The following RTTN variants were observed in gnomAD, a reference collection of about 807,000 sequenced individuals.
RTTN encodes rotatin.
Under a neutral mutation model 269.2 loss-of-function variants are expected in RTTN, and 182 were observed. The observed-to-expected ratio is 0.68, with a 90% CI of 0.60 to 0.76. The LOEUF (loss-of-function observed/expected upper bound fraction) is 0.76. Among genes scored for constraint, RTTN ranks in the 30% least tolerant of loss-of-function variants. RTTN has a pLI of 0.00. For synonymous variants in RTTN, 1,006 were observed against 963.5 expected, an observed-to-expected ratio of 1.04 and a Z score of -0.82; for missense variants, 2,545 against 2,608.6, an observed-to-expected ratio of 0.98 and a Z score of 0.53.
At chr18:70,064,336 C>CAAAA (rs11308196) in intron 35 of RTTN, among the ~76,000 whole-genome samples, 12 of 61,720 alleles carry the variant, frequency 1.9e-4, no homozygotes, top group South Asian at 8.7e-4. Context: ...AGACTGCCTC[C>CAAAA]AAAAAAAAAA....
chr18:70,149,066 A>G lies in RTTN; in HGVS notation c.2173-29T>C, dbSNP rs1191652294. ...ATAGATTTGTTTTTAAAGAGAAATT[A>G]TTGTCTAATTGTATACATAACTTTT... is the stretch of plus-strand genomic sequence containing the variant. On this transcript the variant is annotated intron_variant, in intron 16 of 48. Transcript: ENST00000640769. 1.1e-5 allele frequency: 18 copies of G among 1,595,978 alleles called. No individual in the cohort carries two copies. In the Admixed American group the frequency reaches 2.9e-4, roughly 26 times the overall value.
chr18:70,155,931 C>A (rs191466075), intron 14 of RTTN, among the ~76,000 whole-genome samples: 26 of 152,258 alleles, frequency 1.7e-4, no homozygotes, highest in African/African-American at 5.3e-4. Flanking sequence ...ATTTCCTATG[C>A]CTGTCTTTAC....
At chr18:70,062,750 C>G (rs2058027211) in intron 35 of RTTN, among the ~76,000 whole-genome samples, 1 of 151,674 alleles carries the variant, frequency 6.6e-6, no homozygotes. Context: ...TAGCTGAGAC[C>G]ACAGGTGTGT....
intron 39 of RTTN, among the ~76,000 whole-genome samples, chr18:70,050,244 G>A (rs558452797): frequency 1.1e-4 from 16 of 151,956 alleles, no homozygotes; most frequent in Middle Eastern, 3.4e-3. Flanking sequence ...ACAAACAACC[G>A]CATCAAAAAG....
rs867342917 is a variant in RTTN, at chr18:70,042,372, T to C, written c.5541+5599A>G. On this transcript the variant is annotated intron_variant, in intron 40 of 48. Coordinates refer to ENST00000640769, the MANE Select transcript of RTTN (RefSeq NM_173630.4). ...CTAAGGGCTTTGGAATTTTCTTTTT[T>C]TTTTTTTTTTTTTTTTTTTTTGAGA... Among the ~76,000 whole-genome samples the C allele has an allele frequency of 3.2e-3, 402 of 126,898 alleles. 2 individuals carry two copies. Among genetic ancestry groups the C allele is most frequent in the Middle Eastern group, 0.011 (3 of 266 alleles). 83.3% of individuals were successfully genotyped at this position (126,898 alleles called of 152,430 possible).
At chr18:70,040,613 A>G (rs2057311756) in intron 40 of RTTN, among the ~76,000 whole-genome samples, 1 of 152,246 alleles carries the variant, frequency 6.6e-6, no homozygotes, top group Admixed American at 6.5e-5. Context: ...TCTGCACTAA[A>G]GACCAAACGG....
chr18:70,127,469 C>G (rs962648873), intron 25 of RTTN, 33 bp downstream of exon 25: 1 of 1,606,402 alleles, frequency 6.2e-7, no homozygotes, highest in Non-Finnish European at 8.5e-7. Context: ...CAATCCAGGT[C>G]TTTGAAACTG....
chr18:70,116,343 T>A (rs1183899093), intron 26 of RTTN, among the ~76,000 whole-genome samples: 1 of 152,060 alleles, frequency 6.6e-6, no homozygotes, highest in Non-Finnish European at 1.5e-5. Flanking sequence ...AAACAGTATG[T>A]GTATACCTAA....
intron 25 of RTTN, among the ~76,000 whole-genome samples, chr18:70,121,967 A>G (rs1174087138): frequency 6.6e-6 from 1 of 152,212 alleles, no homozygotes; most frequent in Non-Finnish European, 1.5e-5. Flanking sequence ...AAATTCAGAA[A>G]AAGTACCAAA....
intron 46 of RTTN, among the ~76,000 whole-genome samples, chr18:70,016,443 GC>G (rs1246834956): frequency 1.3e-5 from 2 of 152,116 alleles, no homozygotes; most frequent in African/African-American, 4.8e-5. Flanking sequence ...GCTGGGCCCA[GC>G]GAGGCTGCAC....
intron 28 of RTTN, among the ~76,000 whole-genome samples, chr18:70,104,497 C>T (rs1051267794): frequency 5.3e-5 from 8 of 152,214 alleles, no homozygotes; most frequent in Non-Finnish European, 8.8e-5. Context: ...TCTCTCAACT[C>T]GTCAAAGTCA....
At position 70,003,612 on chromosome 18, in the gene RTTN, C is replaced by T. The variant is rs1472413156; in HGVS notation, c.*539G>A. 1 of 152,162 alleles carries T rather than the reference C, an allele frequency of 6.6e-6. No individual in the cohort carries two copies. The highest frequency in any genetic ancestry group is 1.5e-5 in the Non-Finnish European group (1 of 68,088). The allele number at this position is 152,162 out of a possible 1,614,324, so 9.4% of individuals were successfully genotyped here. A position where few individuals can be genotyped will look rare whatever the true frequency, so the allele number is the denominator to read the frequency against. On this transcript the variant is annotated 3_prime_UTR_variant, in exon 49 of 49. Coordinates refer to ENST00000640769, the MANE Select transcript of RTTN (RefSeq NM_173630.4). ...ATAATGCACACTTACTTCTACATAG[C>T]CCTTTTCCAGTGTGGATGCTCTGGA... is the stretch of plus-strand genomic sequence containing the variant.
intron 10 of RTTN, among the ~76,000 whole-genome samples, chr18:70,181,496 C>T (rs1011431924): frequency 6.6e-6 from 1 of 152,110 alleles, no homozygotes; most frequent in African/African-American, 2.4e-5. Context: ...CTTTTATTTA[C>T]TTCGAGTAAT....
chr18:70,028,810 A>T lies in RTTN; in HGVS notation c.5746-9T>A. 1 of 1,601,990 alleles carries T rather than the reference A, an allele frequency of 6.2e-7. No homozygotes were observed. ...TTAATAACACCATCCTCCTATTTAA[A>T]CAAAAAGCAGTTGAAAACTGTGAAT... On this transcript the variant is annotated splice_polypyrimidine_tract_variant and intron_variant, in intron 42 of 48. Transcript: ENST00000640769.
intron 11 of RTTN, among the ~76,000 whole-genome samples, chr18:70,176,200 G>GATGTAT (rs71816542): frequency 0.04 from 5,466 of 137,552 alleles, 164 homozygotes; most frequent in African/African-American, 0.076. Context: ...TGTAGATGTA[G>GATGTAT]ATGTATATGT....
At chr18:70,113,720 A>G (rs75401292) in intron 27 of RTTN, among the ~76,000 whole-genome samples, 3,844 of 152,276 alleles carry the variant, frequency 0.025, 165 homozygotes, top group African/African-American at 0.086. Context: ...TCATAGAAAG[A>G]AGTAGTGATA....
At chr18:70,121,223 T>C (rs963333061) in intron 26 of RTTN, among the ~76,000 whole-genome samples, 7 of 152,086 alleles carry the variant, frequency 4.6e-5, no homozygotes, top group Admixed American at 1.3e-4. Context: ...CTTTGTTAGC[T>C]AACTCTCAAC....
chr18:70,016,317 A>C (rs531188062), intron 46 of RTTN, among the ~76,000 whole-genome samples: 8 of 152,218 alleles, frequency 5.3e-5, no homozygotes, highest in Non-Finnish European at 8.8e-5. Context: ...AAACAAGAGA[A>C]TGAATCTATC....
At chr18:70,199,252 T>C (rs1568559661) in intron 5 of RTTN, among the ~76,000 whole-genome samples, 162 bp downstream of exon 5, 1 of 149,046 alleles carries the variant, frequency 6.7e-6, no homozygotes, top group Admixed American at 6.6e-5. Context: ...AATAGGAATT[T>C]TTTTCTGGCT....
Sources: allele counts gnomAD v4.1 joint callset (sites outside exome capture counted in the v4.1 genomes callset), GRCh38; gene constraint gnomAD v4.1.1; transcripts MANE v1.5; gene names NCBI Gene and HGNC (gene_info 2026-07-23, HGNC 2026-07-21).